Variants in FBXL13 observed in about 807,000 individuals in gnomAD.
The protein encoded by FBXL13 is F-box and leucine-rich repeat protein 13.
A neutral mutation model predicts 83.6 loss-of-function variants in FBXL13; 67 were observed. The observed-to-expected ratio is 0.80, with a 90% CI of 0.66 to 0.98. The LOEUF (loss-of-function observed/expected upper bound fraction) is 0.98, where lower values mean the gene tolerates loss of function less well. FBXL13 is among the 50% of genes least tolerant of loss of function. The pLI is 0.00. For missense variants in FBXL13, 822 were observed against 866.5 expected, an observed-to-expected ratio of 0.95 and a Z score of 0.64; for synonymous variants, 272 against 299.5, an observed-to-expected ratio of 0.91 and a Z score of 0.95.
chr7:102,812,087 G>A (rs1411972938), downstream of FBXL13, among the ~76,000 whole-genome samples: 1 of 152,160 alleles, frequency 6.6e-6, no homozygotes, highest in East Asian at 1.9e-4. Context: ...AAGTAATTGA[G>A]GAAATAGAAA....
intron 17 of FBXL13, among the ~76,000 whole-genome samples, chr7:102,834,138 G>GAAAGA (rs1554405117): frequency 1.6e-3 from 194 of 123,860 alleles, no homozygotes; most frequent in South Asian, 3.7e-3. Flanking sequence ...AAGAAAGAAA[G>GAAAGA]AAAAGAGAAG....
At chr7:102,910,956 C>T (rs1413018367) in intron 11 of FBXL13, among the ~76,000 whole-genome samples, 63 of 152,198 alleles carry the variant, frequency 4.1e-4, no homozygotes, top group Non-Finnish European at 1.0e-4. Context: ...GACGTGGGTC[C>T]CACCATGTTG....
chr7:102,883,270 A>T (rs935237679), intron 14 of FBXL13, 35 bp downstream of exon 15: 1 of 1,577,330 alleles, frequency 6.3e-7, no homozygotes, highest in Non-Finnish European at 8.6e-7. Context: ...TAGATAATCA[A>T]CGTTTCTTGA....
rs1584820430 is a variant in FBXL13, at chr7:102,895,429, T to C, written c.1009-11117A>G. On this transcript the variant is annotated intron_variant, in intron 11 of 19. Transcript: ENST00000313221. ...TACTGTCTGGTTTCACTATCCTAAA[T>C]GTAAACATATAAATCTGAAACACGG... Among the ~76,000 whole-genome samples, 3 of 152,326 alleles carry C rather than the reference T, an allele frequency of 2.0e-5. No homozygotes were observed. The East Asian group carries it at 5.8e-4, about 29-fold the overall frequency.
At chr7:102,826,741 A>G (rs796089801) in intron 18 of FBXL13, among the ~76,000 whole-genome samples, 41 of 64,030 alleles carry the variant, frequency 6.4e-4, no homozygotes, top group South Asian at 3.7e-3. Context: ...ATATATATAT[A>G]TATATATATA....
At chr7:102,862,499 C>T (rs1807020914) in intron 16 of FBXL13, among the ~76,000 whole-genome samples, 1 of 151,992 alleles carries the variant, frequency 6.6e-6, no homozygotes. Context: ...TGTGTATCAA[C>T]AAAGAATTAT....
chr7:102,909,593 G>T (rs1487874297), intron 11 of FBXL13, among the ~76,000 whole-genome samples: 1 of 152,206 alleles, frequency 6.6e-6, no homozygotes, highest in Non-Finnish European at 1.5e-5. Flanking sequence ...GGGCTCTTCA[G>T]TTAACAGGTG....
intron 16 of FBXL13, among the ~76,000 whole-genome samples, chr7:102,871,385 A>AT (rs869205510): frequency 1.3e-5 from 2 of 151,546 alleles, no homozygotes; most frequent in Non-Finnish European, 2.9e-5. Context: ...TAAAAAAAAA[A>AT]TTTTAATTTT....
intron 2 of FBXL13, chr7:103,055,168 T>C (rs2129496255): frequency 7.8e-7 from 1 of 1,286,296 alleles, no homozygotes; most frequent in South Asian, 1.2e-5. Flanking sequence ...GATGGAGTAA[T>C]GCACATATCC....
intron 16 of FBXL13, among the ~76,000 whole-genome samples, chr7:102,859,106 C>T (rs553274696): frequency 3.3e-5 from 5 of 152,280 alleles, no homozygotes; most frequent in Admixed American, 3.3e-4. Flanking sequence ...AAGATGAATA[C>T]AGATGTTACC....
chr7:102,862,105 G>C (rs1224755189), intron 16 of FBXL13, among the ~76,000 whole-genome samples: 5 of 152,064 alleles, frequency 3.3e-5, no homozygotes. Context: ...AGCACTTTTG[G>C]AGGCCAAGGC....
At chr7:103,012,783 G>C (rs906278541) in intron 6 of FBXL13, among the ~76,000 whole-genome samples, 1 of 152,126 alleles carries the variant, frequency 6.6e-6, no homozygotes, top group Non-Finnish European at 1.5e-5. Context: ...ACATGATGAC[G>C]GGATCAAATC....
At chr7:103,023,259 G>A in intron 6 of FBXL13, among the ~76,000 whole-genome samples, 1 of 152,018 alleles carries the variant, frequency 6.6e-6, no homozygotes, top group South Asian at 2.1e-4. Context: ...CTGAGCGACA[G>A]AATGAGACTC....
intron 6 of FBXL13, among the ~76,000 whole-genome samples, chr7:103,002,453 C>T (rs75646869): frequency 6.6e-6 from 1 of 152,280 alleles, no homozygotes; most frequent in East Asian, 1.9e-4. Context: ...CACCATGACA[C>T]ACTATTAGAA....
intron 8 of FBXL13, among the ~76,000 whole-genome samples, chr7:102,960,907 C>A (rs1825085845): frequency 6.6e-6 from 1 of 152,032 alleles, no homozygotes; most frequent in South Asian, 2.1e-4. Context: ...TGGAAGCATT[C>A]CCTTTGAAAA....
intron 16 of FBXL13, among the ~76,000 whole-genome samples, chr7:102,867,695 ATTTTTTTTT>A (rs1205859622): frequency 0.04 from 1,971 of 48,842 alleles, 27 homozygotes; most frequent in South Asian, 0.061. Context: ...ATATATATAT[ATTTTTTTTT>A]TTTTTTTTTT....
exon 6 of FBXL13, chr7:103,025,130 T>A: frequency 1.2e-6 from 2 of 1,612,732 alleles, no homozygotes; most frequent in Non-Finnish European, 1.7e-6. Flanking sequence ...AAGAAAGACT[T>A]CAGAAGAACT....
intron 6 of FBXL13, among the ~76,000 whole-genome samples, chr7:102,983,419 C>A (rs943800977): frequency 5.6e-5 from 5 of 89,544 alleles, no homozygotes; most frequent in Non-Finnish European, 9.2e-5. Context: ...TTTCTTTTTT[C>A]CCCTTTTTTT....
chr7:102,918,817 G>A (rs1427317414), intron 10 of FBXL13, among the ~76,000 whole-genome samples: 2 of 152,024 alleles, frequency 1.3e-5, no homozygotes, highest in African/African-American at 4.8e-5. Flanking sequence ...TGTAAGTTCA[G>A]ATTTTCACCA....
Sources: gnomAD v4.1 joint callset for allele counts (sites outside exome capture counted in the v4.1 genomes callset) on GRCh38, gnomAD v4.1.1 for gene constraint, MANE v1.5 for transcripts, NCBI Gene and HGNC (gene_info 2026-07-23, HGNC 2026-07-21) for gene names.